Variants in PXDNL observed in about 807,000 individuals in gnomAD.
The protein encoded by PXDNL is probable oxidoreductase PXDNL.
In PXDNL, 145 loss-of-function variants were observed where a neutral mutation model predicts 150.8. The ratio of observed to expected loss-of-function variants is 0.96; its 90% confidence interval spans 0.84 to 1.10. The LOEUF is 1.10. Among genes scored for constraint, PXDNL ranks in the 50% least tolerant of loss-of-function variants. PXDNL has a pLI of 0.00. For synonymous variants in PXDNL, 757 were observed against 725.7 expected (o/e 1.04, Z -0.69); for missense variants, 2,087 against 1,873.9 (o/e 1.11, Z -2.10).
chr8:51,587,981 A>G (rs1448167271), intron 3 of PXDNL, among the ~76,000 whole-genome samples: 2 of 152,180 alleles, frequency 1.3e-5, no homozygotes, highest in Admixed American at 6.6e-5. Flanking sequence ...CTTTTGTGGT[A>G]TATGCAATAA....
intron 12 of PXDNL, among the ~76,000 whole-genome samples, chr8:51,430,265 C>T (rs963399572): frequency 5.9e-5 from 9 of 152,216 alleles, no homozygotes; most frequent in African/African-American, 9.7e-5. Flanking sequence ...CTGCTTCTTT[C>T]CTGTTGACCA....
At chr8:51,724,857 G>A (rs1307111208) in intron 1 of PXDNL, among the ~76,000 whole-genome samples, 7 of 152,074 alleles carry the variant, frequency 4.6e-5, no homozygotes, top group African/African-American at 1.2e-4. Flanking sequence ...TAAAATTCAC[G>A]TGTGTTTCAG....
chr8:51,493,317 C>G (rs190631689), intron 5 of PXDNL, among the ~76,000 whole-genome samples: 203 of 129,750 alleles, frequency 1.6e-3, no homozygotes, highest in Middle Eastern at 3.8e-3. Flanking sequence ...GTAGATAAAA[C>G]CACAAAGATG....
At chr8:51,756,489 T>A in intron 1 of PXDNL, among the ~76,000 whole-genome samples, 1 of 152,084 alleles carries the variant, frequency 6.6e-6, no homozygotes, top group East Asian at 1.9e-4. Flanking sequence ...TTTTCTTTGC[T>A]GAAATATTTC....
At chr8:51,395,246 T>C (rs1258779582) in intron 17 of PXDNL, among the ~76,000 whole-genome samples, 2 of 152,174 alleles carry the variant, frequency 1.3e-5, no homozygotes, top group African/African-American at 4.8e-5. Context: ...CTATTCCAGA[T>C]GCTGGGTGAA....
chr8:51,706,241 G>A (rs184657217), intron 1 of PXDNL, among the ~76,000 whole-genome samples: 1 of 152,182 alleles, frequency 6.6e-6, no homozygotes, highest in East Asian at 1.9e-4. Flanking sequence ...AACCTGGGAG[G>A]TAGAAGAGGT....
At chr8:51,655,169 G>A (rs1046931445) in intron 1 of PXDNL, among the ~76,000 whole-genome samples, 4 of 152,198 alleles carry the variant, frequency 2.6e-5, no homozygotes, top group Admixed American at 2.0e-4. Context: ...ACCACTGTTT[G>A]AATTTAGCAA....
chr8:51,465,653 T>C (rs1260055264), intron 8 of PXDNL, among the ~76,000 whole-genome samples: 2 of 152,076 alleles, frequency 1.3e-5, no homozygotes, highest in Admixed American at 1.3e-4. Flanking sequence ...ATGAAAACCC[T>C]ACACTCCACC....
At chr8:51,604,512 G>T (rs1041817729) in intron 2 of PXDNL, among the ~76,000 whole-genome samples, 7 of 152,180 alleles carry the variant, frequency 4.6e-5, no homozygotes, top group African/African-American at 1.2e-4. Flanking sequence ...GGTGGAGGGA[G>T]TGGGGAGGGA....
Position 51,535,028 on chromosome 8 carries a change from C to T in PXDNL, c.380+21812G>A, listed in dbSNP as rs866006379. On this transcript the variant is annotated intron_variant, in intron 4 of 22. Coordinates refer to ENST00000356297, the MANE Select transcript of PXDNL (RefSeq NM_144651.5). ...CCAGGAGGTGAGGGGCACCTCTGCC[C>T]GGCCGCCCCTACTGGGAAGTGAGGA... Among the ~76,000 whole-genome samples the T allele has an allele frequency of 1.9e-3, 224 of 117,630 alleles. 13 individuals are homozygous for T. The South Asian group carries it at 0.06, about 32-fold the overall frequency. 77.2% of individuals were successfully genotyped at this position (117,630 alleles called of 152,430 possible). A position where few individuals can be genotyped will look rare whatever the true frequency, so the allele number is the denominator to read the frequency against.
At chr8:51,477,665 C>T (rs1810510599) in intron 6 of PXDNL, among the ~76,000 whole-genome samples, 1 of 152,216 alleles carries the variant, frequency 6.6e-6, no homozygotes, top group South Asian at 2.1e-4. Context: ...CTCACTTCAG[C>T]ATCACCATGA....
chr8:51,531,311 C>T (rs1811898748), intron 4 of PXDNL, among the ~76,000 whole-genome samples: 1 of 152,212 alleles, frequency 6.6e-6, no homozygotes, highest in Non-Finnish European at 1.5e-5. Context: ...TTCAAAATCT[C>T]CATGTTCTCT....
At chr8:51,465,040 C>T (rs1810173877) in intron 8 of PXDNL, among the ~76,000 whole-genome samples, 1 of 152,016 alleles carries the variant, frequency 6.6e-6, no homozygotes, top group Non-Finnish European at 1.5e-5. Context: ...AAGGATCCTC[C>T]CTCGCTCATT....
chr8:51,621,578 C>T (rs1466711534), intron 2 of PXDNL, among the ~76,000 whole-genome samples: 1 of 151,472 alleles, frequency 6.6e-6, no homozygotes, highest in Non-Finnish European at 1.5e-5. Flanking sequence ...AGGATCTATT[C>T]CTCAAGAATG....
intron 19 of PXDNL, among the ~76,000 whole-genome samples, chr8:51,361,532 C>T (rs1435468076): frequency 1.3e-5 from 2 of 152,144 alleles, no homozygotes; most frequent in African/African-American, 4.8e-5. Flanking sequence ...GCTATGCCTA[C>T]ATTTGCATGT....
chr8:51,608,054 AAAGCAAGCAAGC>A (rs755666717), intron 2 of PXDNL, among the ~76,000 whole-genome samples: 1,247 of 111,378 alleles, frequency 0.011, 62 homozygotes, highest in Non-Finnish European at 0.012. Flanking sequence ...AGAAAGAAAG[AAAGCAAGCAAGC>A]AAGCAAGCAA....
At chr8:51,363,388 G>A (rs1056306777) in intron 19 of PXDNL, among the ~76,000 whole-genome samples, 37 of 152,054 alleles carry the variant, frequency 2.4e-4, no homozygotes, top group African/African-American at 8.0e-4. Flanking sequence ...GGGAGGTTTC[G>A]CAAGACTCAC....
intron 14 of PXDNL, among the ~76,000 whole-genome samples, chr8:51,413,984 C>A (rs188591391): frequency 6.6e-6 from 1 of 151,908 alleles, no homozygotes; most frequent in African/African-American, 2.4e-5. Flanking sequence ...TTATGTGACA[C>A]AGGCAATGAA....
chr8:51,775,943 T>C (rs2037348283), intron 1 of PXDNL, among the ~76,000 whole-genome samples: 3 of 152,178 alleles, frequency 2.0e-5, no homozygotes, highest in Admixed American at 1.3e-4. Context: ...ATTCTTTTTC[T>C]CAGCAAGGAA....
Sources: gnomAD v4.1 joint callset for allele counts (sites outside exome capture counted in the v4.1 genomes callset) on GRCh38, gnomAD v4.1.1 for gene constraint, MANE v1.5 for transcripts, NCBI Gene and HGNC (gene_info 2026-07-23, HGNC 2026-07-21) for gene names.